MANSC1: variants seen among roughly 807,000 people sequenced by gnomAD.
MANSC1 encodes MANSC domain containing 1, also known as MANSC domain-containing protein 1.
A neutral mutation model predicts 14.1 loss-of-function variants in MANSC1; 13 were observed. The observed-to-expected ratio is 0.92, with a 90% CI of 0.60 to 1.46. MANSC1 has a LOEUF of 1.46. Among genes scored for constraint, MANSC1 ranks in the 40% most tolerant of loss-of-function variants. The pLI is 0.00. For missense variants in MANSC1, 486 were observed against 511.4 expected (o/e 0.95, Z 0.48); for synonymous variants, 227 against 200.7 (o/e 1.13, Z -1.11).
intron 3 of MANSC1, among the ~76,000 whole-genome samples, chr12:12,333,291 C>T (rs968535635): frequency 3.9e-5 from 6 of 152,130 alleles, no homozygotes; most frequent in African/African-American, 1.4e-4. Flanking sequence ...AAGCAATCCG[C>T]CCACCTCAGC....
chr12:12,330,153 C>T lies in MANSC1; in HGVS notation c.1170G>A (p.Leu390=), dbSNP rs751561428. 1.5e-5 allele frequency: 24 copies of T among 1,614,058 alleles called. No individual in the cohort carries two copies. The highest frequency in any genetic ancestry group is 2.7e-5 in the African/African-American group (2 of 74,922). Residue 390 remains leucine, a synonymous_variant, in exon 4 of 4, where the codon CTG becomes CTA. Transcript: ENST00000535902. The part of the protein sequence containing the change: ...PFEKWLLIGS[L]LFGVLFLVIG... ...TCACCAGGAACAGGACACCAAAGAGCAGGGACCCGATAAGAAGCCATTTTT... is the reference window on the plus strand; with the variant it reads ...TCACCAGGAACAGGACACCAAAGAGTAGGGACCCGATAAGAAGCCATTTTT...
In MANSC1 at chr12:12,330,784, T is replaced by C. The variant is rs748456576; in HGVS notation, c.539A>G (p.Asp180Gly). The C allele has an allele frequency of 2.5e-6, 4 of 1,614,190 alleles. No individual in the cohort carries two copies. The highest frequency in any genetic ancestry group is 1.1e-5 in the South Asian group (1 of 91,080). The change falls in exon 4 of 4, where the codon GAT becomes GGT. Residue 180 changes from aspartate to glycine, a missense_variant. Asp to Gly is a moderately conservative substitution (Grantham distance 94). Transcript: ENST00000535902. ...CATCTTAAATAGTTTCTCCAAGTGA[T>C]CTGAGGATCCAAACTTCTGAGAAAG... The part of the protein sequence containing the change: ...DTLSQKFGSS[D>G]HLEKLFKMDE...
At chr12:12,342,945 C>A in intron 2 of MANSC1, 147 bp downstream of exon 2, 1 of 627,754 alleles carries the variant, frequency 1.6e-6, no homozygotes, top group South Asian at 1.9e-5. Flanking sequence ...GAGGGGAGGG[C>A]ACACTTGTAG....
At chr12:12,341,720 G>A (rs1166144234) in intron 2 of MANSC1, among the ~76,000 whole-genome samples, 3 of 152,214 alleles carry the variant, frequency 2.0e-5, no homozygotes, top group Non-Finnish European at 4.4e-5. Flanking sequence ...GGGTGCGGTG[G>A]CTCACACACT....
intron 1 of MANSC1, among the ~76,000 whole-genome samples, chr12:12,347,978 G>A (rs181084693): frequency 8.9e-4 from 136 of 152,042 alleles, no homozygotes; most frequent in Middle Eastern, 3.4e-3. Context: ...CAGAAGAATC[G>A]CTTGAACCCG....
At chr12:12,344,942 T>TATATAC (rs1862989580) in intron 1 of MANSC1, among the ~76,000 whole-genome samples, 2 of 93,860 alleles carry the variant, frequency 2.1e-5, no homozygotes, top group Non-Finnish European at 4.4e-5. Flanking sequence ...TATATATATA[T>TATATAC]ATATATATAT....
chr12:12,336,985 T>C (rs1393312315), intron 3 of MANSC1, among the ~76,000 whole-genome samples: 2 of 152,080 alleles, frequency 1.3e-5, no homozygotes, highest in Non-Finnish European at 2.9e-5. Flanking sequence ...AAAAGAAAAA[T>C]TGAAGCTGGG....
intron 2 of MANSC1, chr12:12,339,322 A>T (rs908335171): frequency 3.3e-5 from 5 of 152,232 alleles, no homozygotes; most frequent in African/African-American, 1.2e-4. Context: ...GTGCAAATGC[A>T]GTGGCATGAT....
intron 3 of MANSC1, among the ~76,000 whole-genome samples, chr12:12,336,714 T>C (rs1251816741): frequency 6.6e-6 from 1 of 152,008 alleles, no homozygotes; most frequent in Non-Finnish European, 1.5e-5. Context: ...TTTTTGTGGA[T>C]ATGAGGTCTC....
At chr12:12,341,688 C>T (rs934878209) in intron 2 of MANSC1, among the ~76,000 whole-genome samples, 1 of 152,140 alleles carries the variant, frequency 6.6e-6, no homozygotes, top group African/African-American at 2.4e-5. Flanking sequence ...TGCAGTGGTT[C>T]GATCAAAGCT....
At chr12:12,346,542 A>T (rs1863012449) in intron 1 of MANSC1, among the ~76,000 whole-genome samples, 1 of 152,238 alleles carries the variant, frequency 6.6e-6, no homozygotes, top group African/African-American at 2.4e-5. Context: ...TGGAATAGTA[A>T]ACCCAGAAAT....
At chr12:12,341,876 C>T (rs1010187032) in intron 2 of MANSC1, among the ~76,000 whole-genome samples, 2 of 152,228 alleles carry the variant, frequency 1.3e-5, no homozygotes, top group African/African-American at 4.8e-5. Flanking sequence ...CCTGTAATCT[C>T]AGCTACCCGG....
At chr12:12,347,720 T>G (rs778406436) in intron 1 of MANSC1, among the ~76,000 whole-genome samples, 2 of 152,154 alleles carry the variant, frequency 1.3e-5, no homozygotes, top group Non-Finnish European at 2.9e-5. Context: ...TGAGAATGGC[T>G]AAAATCCAAA....
intron 2 of MANSC1, among the ~76,000 whole-genome samples, chr12:12,342,584 GTTT>G (rs760560592): frequency 1.7e-4 from 7 of 41,810 alleles, no homozygotes; most frequent in Admixed American, 1.6e-3. Context: ...GTGTTTTTTT[GTTT>G]TTTTTTTTTT....
chr12:12,343,625 C>A (rs549434529), intron 1 of MANSC1, among the ~76,000 whole-genome samples: 105 of 152,264 alleles, frequency 6.9e-4, no homozygotes, highest in African/African-American at 2.4e-3. Flanking sequence ...AAACATACTA[C>A]CTCACCAATG....
intron 3 of MANSC1, among the ~76,000 whole-genome samples, chr12:12,338,218 A>G (rs924891992): frequency 6.6e-6 from 1 of 152,238 alleles, no homozygotes. Flanking sequence ...GTAAAAACAG[A>G]AACAAACCAG....
At position 12,332,500 on chromosome 12, in the gene MANSC1, A is replaced by G. The variant is rs187998195; in HGVS notation, c.365-1542T>C. ...CTGTCTTTGTATGACTTGCAAGCTA[A>G]GAATGGTTTTTACGTTTTTTAAAAT... On this transcript the variant is annotated intron_variant, in intron 3 of 3. Transcript: ENST00000535902. Among the ~76,000 whole-genome samples, 36 of 152,324 alleles carry G rather than the reference A, an allele frequency of 2.4e-4. No individual in the cohort carries two copies. In the East Asian group the frequency reaches 6.8e-3, roughly 29 times the overall value.
At position 12,330,697 on chromosome 12, in the gene MANSC1, A is replaced by C. The variant is rs1233592621; in HGVS notation, c.626T>G (p.Phe209Cys). 6.2e-7 allele frequency: 1 copy of C among 1,614,092 alleles called. No individual in the cohort carries two copies. Among genetic ancestry groups the C allele is most frequent in the Non-Finnish European group, 8.5e-7 (1 of 1,180,040 alleles). ...ATGAGCTATTTCTTGATCAGAGGAA[A>C]ATTGTGAACTCTGAGAATGGCCTTT... The part of the protein sequence containing the change: ...KEKGHSQSSQ[F>C]SSDQEIAHLL... The change falls in exon 4 of 4, where the codon TTT (phenylalanine) becomes TGT (cysteine). Residue 209 changes from phenylalanine (F) to cysteine (C), a missense_variant. Coordinates refer to ENST00000535902, the MANE Select transcript of MANSC1 (RefSeq NM_018050.4).
In MANSC1 at chr12:12,329,966, G is replaced by T; in HGVS notation, c.*61C>A. ...TCCTGCTAAGACTAGCAAGTCAGCA[G>T]AAACTCATTGCATTTGGGCTTCTGG... is the stretch of plus-strand genomic sequence containing the variant. On this transcript the variant is annotated 3_prime_UTR_variant, in exon 4 of 4. Transcript: ENST00000535902. 7.1e-7 allele frequency: 1 copy of T among 1,416,822 alleles called. No individual in the cohort carries two copies. The highest frequency in any genetic ancestry group is 9.7e-7 in the Non-Finnish European group (1 of 1,029,168). The allele number at this position is 1,416,822 out of a possible 1,614,324, so 87.8% of individuals were successfully genotyped here. A position where few individuals can be genotyped will look rare whatever the true frequency, so the allele number is the denominator to read the frequency against.
Sources: allele counts gnomAD v4.1 joint callset (sites outside exome capture counted in the v4.1 genomes callset), GRCh38; gene constraint gnomAD v4.1.1; transcripts MANE v1.5; gene names NCBI Gene and HGNC (gene_info 2026-07-23, HGNC 2026-07-21).